Variants in RNF41 observed in about 807,000 individuals in gnomAD.
RNF41 encodes ring finger protein 41.
RNF41 carries 4 observed loss-of-function variants against 33.0 expected under a neutral mutation model. The ratio of observed to expected loss-of-function variants is 0.12; its 90% confidence interval spans 0.06 to 0.28. The LOEUF is 0.28. Ranked by LOEUF, RNF41 falls within the 10% of genes least tolerant of loss-of-function variation. The probability of loss-of-function intolerance (pLI) is 1.00; values close to 1 mark genes in which losing one functional copy is unlikely to be tolerated. For missense variants in RNF41, 228 were observed against 432.6 expected, an observed-to-expected ratio of 0.53 and a Z score of 4.19; for synonymous variants, 164 against 153.2, an observed-to-expected ratio of 1.07 and a Z score of -0.52.
chr12:56,208,497 T>G (rs1335322706), intron 4 of RNF41, 199 bp from the exon 5 acceptor site: 3 of 469,298 alleles, frequency 6.4e-6, no homozygotes, highest in Non-Finnish European at 1.1e-5. Context: ...CTGTCTATTT[T>G]CCTTAAATTT....
rs997254457 is a variant in RNF41, at chr12:56,205,571, G to T, written c.*876C>A. 1 of 148,252 alleles carries T rather than the reference G, an allele frequency of 6.7e-6. No individual in the cohort carries two copies. The highest frequency in any genetic ancestry group is 6.7e-5 in the Admixed American group (1 of 14,922). 9.2% of individuals were successfully genotyped at this position (148,252 alleles called of 1,614,324 possible). A position where few individuals can be genotyped will look rare whatever the true frequency, so the allele number is the denominator to read the frequency against. On this transcript the variant is annotated 3_prime_UTR_variant, in exon 7 of 7. Transcript: ENST00000345093. The stretch of plus-strand genomic sequence containing the variant: ...ATCAGGCCATTCTTAAAAAAAAGAG[G>T]GGGGGGGGCAGTAGGTGGAGTTTGT...
chr12:56,210,202 A>C lies in RNF41; in HGVS notation c.362+95T>G, dbSNP rs1443523387. ...AAGAATACTCCTTGCCAACATGCCA[A>C]AGAGACCTCCTCAGCTAGTGAGGAG... On this transcript the variant is annotated intron_variant, in intron 4 of 6. Coordinates refer to ENST00000345093, the MANE Select transcript of RNF41 (RefSeq NM_005785.4). 2.1e-6 allele frequency: 3 copies of C among 1,397,372 alleles called. No individual in the cohort carries two copies. In the East Asian group the frequency reaches 7.0e-5, roughly 33 times the overall value. 86.6% of individuals were successfully genotyped at this position (1,397,372 alleles called of 1,614,324 possible).
In RNF41 at chr12:56,210,616, C is replaced by G; in HGVS notation, c.91-48G>C. On this transcript the variant is annotated intron_variant, in intron 3 of 6. Coordinates refer to ENST00000345093, the MANE Select transcript of RNF41 (RefSeq NM_005785.4). Reference sequence around the variant, plus strand: ...AGGGGCGCAAGGGAATTAGCAGGACCTAAGAGCCTGGATATGATATAACTC... The same window carrying G: ...AGGGGCGCAAGGGAATTAGCAGGACGTAAGAGCCTGGATATGATATAACTC... The G allele has an allele frequency of 2.6e-6, 4 of 1,519,008 alleles. No homozygotes were observed. In the East Asian group the frequency reaches 9.6e-5, roughly 37 times the overall value. The allele number at this position is 1,519,008 out of a possible 1,614,324, so 94.1% of individuals were successfully genotyped here.
Position 56,206,596 on chromosome 12 carries a change from G to T in RNF41, c.805C>A (p.Arg269=). The change falls in exon 7 of 7, where the codon CGA becomes AGA. Residue 269 remains arginine (R), a synonymous_variant. Coordinates refer to ENST00000345093, the MANE Select transcript of RNF41 (RefSeq NM_005785.4). This position sits in a 1 kb window ranked among gnomAD's most constrained non-coding sequence, Gnocchi z 5.7. ...LATLETRQMN[R]RYYENYVAKR... Reference sequence around the variant, plus strand: ...GCCACGTAGTTCTCATAGTAGCGTCGGTTCATCTGTCTAGTCTCTAGTGTG... The same window carrying T: ...GCCACGTAGTTCTCATAGTAGCGTCTGTTCATCTGTCTAGTCTCTAGTGTG... The T allele has an allele frequency of 6.2e-7, 1 of 1,614,126 alleles. No homozygotes were observed. Among genetic ancestry groups the T allele is most frequent in the East Asian group, 2.2e-5 (1 of 44,894 alleles).
rs1380898252 is a variant in RNF41, at chr12:56,208,178, G to A, written c.483C>T (p.His161=). 2 of 1,614,068 alleles carry A rather than the reference G, an allele frequency of 1.2e-6. No individual in the cohort carries two copies. The highest frequency in any genetic ancestry group is 1.7e-5 in the Admixed American group (1 of 60,004). Residue 161 remains histidine (H), a synonymous_variant, in exon 5 of 7, where the codon CAC becomes CAT. Transcript: ENST00000345093. ...TGGGGCCTACCTGCTCCGCCAGCTG[G>A]TGTTTGTGTTCAGCTGACGTCTTCT... ...ELEKTSAEHK[H]QLAEQKRDIQ...
chr12:56,219,487 G>A (rs747269555), intron 1 of RNF41, among the ~76,000 whole-genome samples: 3 of 151,208 alleles, frequency 2.0e-5, no homozygotes, highest in African/African-American at 4.9e-5. Context: ...GAGCCACCGC[G>A]CCCAGCCAAT....
At position 56,205,310 on chromosome 12, in the gene RNF41, C is replaced by G. The variant is rs1004662238; in HGVS notation, c.*1137G>C. 6.6e-6 allele frequency: 1 copy of G among 152,110 alleles called. No homozygotes were observed. The highest frequency in any genetic ancestry group is 1.5e-5 in the Non-Finnish European group (1 of 68,042). The allele number at this position is 152,110 out of a possible 1,614,324, so 9.4% of individuals were successfully genotyped here. A position where few individuals can be genotyped will look rare whatever the true frequency, so the allele number is the denominator to read the frequency against. ...GGTTACAGAGGTTTGGGGCAGATAT[C>G]GTAAGTTCAGCCGAGGACTCCCTTG... On this transcript the variant is annotated 3_prime_UTR_variant, in exon 7 of 7. Transcript: ENST00000345093.
intron 2 of RNF41, 123 bp from the exon 3 acceptor site, chr12:56,214,193 A>T (rs1260853639): frequency 1.5e-6 from 1 of 657,926 alleles, no homozygotes; most frequent in Admixed American, 2.5e-5. Context: ...TCTACTATGC[A>T]GCAGTCATTT....
At chr12:56,208,562 G>C in intron 4 of RNF41, 1 of 268,448 alleles carries the variant, frequency 3.7e-6, no homozygotes, top group Non-Finnish European at 6.9e-6. Context: ...ATTTTATTTT[G>C]TATTTTTATT....
At chr12:56,221,596 GA>G (rs1408647694) in intron 1 of RNF41, 163 bp downstream of exon 1, 1 of 152,148 alleles carries the variant, frequency 6.6e-6, no homozygotes, top group Non-Finnish European at 1.5e-5. Flanking sequence ...CTCACCTCCC[GA>G]CTCCTCGCCA....
chr12:56,208,727 GCTAA>G (rs1868327515), intron 4 of RNF41, among the ~76,000 whole-genome samples: 1 of 151,790 alleles, frequency 6.6e-6, no homozygotes, highest in African/African-American at 2.4e-5. Context: ...ACCATGGCCG[GCTAA>G]CTTTTTGTAT....
At chr12:56,216,732 C>G (rs1465086205) in intron 1 of RNF41, 119 bp from the exon 2 acceptor site, 1 of 152,238 alleles carries the variant, frequency 6.6e-6, no homozygotes, top group Admixed American at 6.5e-5. Context: ...CCATTAAGCA[C>G]TACAGTTTTC....
In RNF41 at chr12:56,218,558, C is replaced by T. The variant is rs1461502942; in HGVS notation, c.-208-1945G>A. On this transcript the variant is annotated intron_variant, in intron 1 of 6. Coordinates refer to ENST00000345093, the MANE Select transcript of RNF41 (RefSeq NM_005785.4). Reference sequence around the variant, plus strand: ...CTGGGATTACAGGCACCAGCCACTGCGCCCACCCCCAAATCTACACATTTA... The same window carrying T: ...CTGGGATTACAGGCACCAGCCACTGTGCCCACCCCCAAATCTACACATTTA... 5.1e-5 allele frequency among the ~76,000 whole-genome samples: 7 copies of T among 138,146 alleles called. No homozygotes were observed. In the East Asian group the frequency reaches 1.5e-3, roughly 30 times the overall value. The allele number at this position is 138,146 out of a possible 152,430, so 90.6% of individuals were successfully genotyped here.
chr12:56,210,275 G>A, intron 4 of RNF41, 22 bp downstream of exon 4: 3 of 1,606,692 alleles, frequency 1.9e-6, no homozygotes, highest in Non-Finnish European at 2.6e-6. Context: ...ATCCATGTGG[G>A]GCAGAAGGGA....
At chr12:56,220,366 A>G (rs1179249995) in intron 1 of RNF41, among the ~76,000 whole-genome samples, 2 of 80 alleles carry the variant, frequency 0.025, no homozygotes, top group African/African-American at 0.091. Flanking sequence ...AGGTGCATGC[A>G]GCCATGCCCC....
chr12:56,210,953 G>A (rs541050557), intron 3 of RNF41, among the ~76,000 whole-genome samples: 82 of 152,292 alleles, frequency 5.4e-4, no homozygotes, highest in African/African-American at 1.8e-3. Flanking sequence ...TTGGGAGGCC[G>A]AGGCAGGCGG....
chr12:56,206,938 AC>A lies in RNF41; in HGVS notation c.603-141del. ...CTTTCCTTCCATCATTGGCTCAGAAACCCCAAATCTTTCCCCACTTGGTCCC... is the reference window on the plus strand; with the variant it reads ...CTTTCCTTCCATCATTGGCTCAGAAACCCAAATCTTTCCCCACTTGGTCCC... On this transcript the variant is annotated intron_variant, in intron 6 of 6. Transcript: ENST00000345093. The surrounding 1 kb of genome is among the most constrained non-coding windows in gnomAD (Gnocchi z 5.7). 1 of 929,686 alleles carries A rather than the reference AC, an allele frequency of 1.1e-6. No individual in the cohort carries two copies. The highest frequency in any genetic ancestry group is 1.6e-6 in the Non-Finnish European group (1 of 637,990). The allele number at this position is 929,686 out of a possible 1,614,324, so 57.6% of individuals were successfully genotyped here. A position where few individuals can be genotyped will look rare whatever the true frequency, so the allele number is the denominator to read the frequency against.
Position 56,206,272 on chromosome 12 carries a change from C to T in RNF41, c.*175G>A. 1 of 622,032 alleles carries T rather than the reference C, an allele frequency of 1.6e-6. No individual in the cohort carries two copies. The highest frequency in any genetic ancestry group is 2.8e-6 in the Non-Finnish European group (1 of 356,234). 38.5% of individuals were successfully genotyped at this position (622,032 alleles called of 1,614,324 possible). ...GCAAAGGGAGGAAATCTGGGTTTCC[C>T]ACCTGAAAGGCTGAGCAAACTACCC... On this transcript the variant is annotated 3_prime_UTR_variant, in exon 7 of 7. Coordinates refer to ENST00000345093, the MANE Select transcript of RNF41 (RefSeq NM_005785.4). The surrounding 1 kb of genome is among the most constrained non-coding windows in gnomAD (Gnocchi z 5.7).
chr12:56,218,046 C>T (rs1318107632), intron 1 of RNF41, among the ~76,000 whole-genome samples: 7 of 152,046 alleles, frequency 4.6e-5, no homozygotes, highest in African/African-American at 1.2e-4. Context: ...CTTGGCCTCC[C>T]GAGTTCAAGT....
Sources: allele counts gnomAD v4.1 joint callset (sites outside exome capture counted in the v4.1 genomes callset), GRCh38; gene constraint gnomAD v4.1.1; non-coding constraint Gnocchi (gnomAD v3.1); transcripts MANE v1.5; gene names NCBI Gene and HGNC (gene_info 2026-07-23, HGNC 2026-07-21).